NUP214: variants seen among roughly 807,000 people sequenced by gnomAD.
The protein encoded by NUP214 is nuclear pore complex protein Nup214.
NUP214 carries 79 observed loss-of-function variants against 196.2 expected under a neutral mutation model. The ratio of observed to expected loss-of-function variants is 0.40; its 90% CI spans 0.34 to 0.49. The LOEUF (loss-of-function observed/expected upper bound fraction) is 0.49, where lower values mean the gene tolerates loss of function less well. Ranked by LOEUF, NUP214 falls within the 20% of genes least tolerant of loss-of-function variation. The pLI is 0.58. For missense variants in NUP214, 2,468 were observed against 2,539.0 expected (o/e 0.97, Z 0.60); for synonymous variants, 1,020 against 990.5 (o/e 1.03, Z -0.56).
intron 32 of NUP214, among the ~76,000 whole-genome samples, chr9:131,225,184 A>C (rs1366763817): frequency 6.6e-6 from 1 of 152,278 alleles, no homozygotes; most frequent in Middle Eastern, 3.4e-3. Context: ...AGGCCAAGGA[A>C]GACAGATCAC....
At chr9:131,227,935 T>A (rs1005221339) in intron 32 of NUP214, among the ~76,000 whole-genome samples, 2 of 137,194 alleles carry the variant, frequency 1.5e-5, no homozygotes, top group Non-Finnish European at 3.1e-5. Context: ...GTGGTTTGGT[T>A]TGAGGGCTTT....
intron 27 of NUP214, among the ~76,000 whole-genome samples, chr9:131,193,197 G>A (rs901668451): frequency 6.6e-5 from 10 of 152,006 alleles, no homozygotes; most frequent in Non-Finnish European, 1.0e-4. Context: ...CCTGTTCTCT[G>A]TGCCCTGAGC....
Position 131,196,034 on chromosome 9 carries a change from CCCCCCG to C in NUP214, c.3721+742_3721+747del, listed in dbSNP as rs1027014245. Among the ~76,000 whole-genome samples, 28 of 36,076 alleles carry C rather than the reference CCCCCCG, an allele frequency of 7.8e-4. 13 individuals carry two copies. The highest frequency in any genetic ancestry group is 1.9e-3 in the Non-Finnish European group (15 of 7,938). 23.7% of individuals were successfully genotyped at this position (36,076 alleles called of 152,430 possible). ...AGTGAAACTCTGTGTGTCCCCCCCC[CCCCCCG>C]CGCCAAAAAATCCATCAATAGCATG... On this transcript the variant is annotated intron_variant, in intron 28 of 35. Coordinates refer to ENST00000359428, the MANE Select transcript of NUP214 (RefSeq NM_005085.4).
intron 24 of NUP214, among the ~76,000 whole-genome samples, chr9:131,186,503 C>A (rs1013725170): frequency 6.6e-6 from 1 of 152,240 alleles, no homozygotes; most frequent in South Asian, 2.1e-4. Context: ...TGAAAAATAA[C>A]CAGGTCCTAC....
At chr9:131,215,176 C>T (rs895263258) in intron 30 of NUP214, 36 bp from the exon 31 acceptor site, 5 of 1,469,602 alleles carry the variant, frequency 3.4e-6, no homozygotes, top group Non-Finnish European at 3.6e-6. Context: ...GATGACCTCT[C>T]ATCCTATCTT....
intron 30 of NUP214, among the ~76,000 whole-genome samples, chr9:131,203,055 C>T (rs952377662): frequency 4.6e-5 from 7 of 151,910 alleles, no homozygotes; most frequent in African/African-American, 1.5e-4. Flanking sequence ...ACGCCATTCT[C>T]CTGCCTCAGC....
chr9:131,128,293 A>G (rs1389973151), intron 2 of NUP214, 39 bp from the exon 3 acceptor site: 15 of 1,591,198 alleles, frequency 9.4e-6, no homozygotes, highest in South Asian at 5.6e-5. Flanking sequence ...TATGCTTAGA[A>G]CATACCGTTT....
chr9:131,135,495 A>G (rs1319025549), intron 8 of NUP214, among the ~76,000 whole-genome samples: 2 of 152,222 alleles, frequency 1.3e-5, no homozygotes, highest in Non-Finnish European at 2.9e-5. Flanking sequence ...TCTTAAATAC[A>G]TACTAATTTC....
At chr9:131,201,235 A>G (rs1012042114) in intron 29 of NUP214, among the ~76,000 whole-genome samples, 12 of 151,592 alleles carry the variant, frequency 7.9e-5, no homozygotes, top group African/African-American at 2.7e-4. Context: ...TTGGGAGGCC[A>G]AGGTGGGTGG....
chr9:131,136,181 A>G (rs1292965400), intron 9 of NUP214, among the ~76,000 whole-genome samples, 175 bp downstream of exon 9: 1 of 152,222 alleles, frequency 6.6e-6, no homozygotes, highest in African/African-American at 2.4e-5. Flanking sequence ...CTGGGACTGT[A>G]GGCGCGGGCC....
At chr9:131,177,320 A>G (rs1350766251) in intron 23 of NUP214, among the ~76,000 whole-genome samples, 2 of 152,198 alleles carry the variant, frequency 1.3e-5, no homozygotes. Flanking sequence ...CTCTTTAAAT[A>G]TTACTTGGAC....
At chr9:131,167,317 C>T (rs965273301) in intron 21 of NUP214, 3 of 152,306 alleles carry the variant, frequency 2.0e-5, no homozygotes, top group South Asian at 4.1e-4. Context: ...GTTGTTGCCT[C>T]TAGCTGTTAT....
At chr9:131,152,223 C>T (rs1192422020) in intron 17 of NUP214, among the ~76,000 whole-genome samples, 1 of 152,174 alleles carries the variant, frequency 6.6e-6, no homozygotes. Flanking sequence ...ACGTGATCCT[C>T]CTGCCTCAGC....
At chr9:131,189,259 G>C in intron 26 of NUP214, 128 bp downstream of exon 26, 1 of 751,542 alleles carries the variant, frequency 1.3e-6, no homozygotes. Context: ...GGAGCATTCA[G>C]GGTAGTATGA....
chr9:131,197,224 C>A lies in NUP214; in HGVS notation c.3730C>A (p.Pro1244Thr). ...SNFTAAQGAT[P>T]STKESSQPDA... ...TTTCTTTTTCTTGCTAGGGGCAACA[C>A]CCTCCACTAAAGAGTCAAGCCAGCC... Residue 1244 changes from proline (P) to threonine (T), a missense_variant, in exon 29 of 36, where the codon CCC becomes ACC. Pro to Thr is a conservative substitution (Grantham distance 38). This residue lies in a region of NUP214 where 1,801 missense variants were observed against 1,779.4 expected (regional missense o/e 1.01). Coordinates refer to ENST00000359428, the MANE Select transcript of NUP214 (RefSeq NM_005085.4). 1 of 1,613,884 alleles carries A rather than the reference C, an allele frequency of 6.2e-7. No homozygotes were observed. Among genetic ancestry groups the A allele is most frequent in the Non-Finnish European group, 8.5e-7 (1 of 1,179,776 alleles).
intron 32 of NUP214, among the ~76,000 whole-genome samples, chr9:131,225,936 G>C (rs1834707703): frequency 6.6e-6 from 1 of 152,196 alleles, no homozygotes; most frequent in African/African-American, 2.4e-5. Context: ...ACTGAAGATG[G>C]CCTTGCTGCC....
At position 131,233,591 on chromosome 9, in the gene NUP214, C is replaced by A; in HGVS notation, c.*104C>A. On this transcript the variant is annotated 3_prime_UTR_variant, in exon 36 of 36. Transcript: ENST00000359428. ...GTTCAGACCGACGTTGCCATCAAAA[C>A]ACATACACCCAGAAAGAAACAACAG... 8.2e-7 allele frequency: 1 copy of A among 1,216,024 alleles called. No homozygotes were observed. Among genetic ancestry groups the A allele is most frequent in the Non-Finnish European group, 1.2e-6 (1 of 835,676 alleles). The allele number at this position is 1,216,024 out of a possible 1,614,324, so 75.3% of individuals were successfully genotyped here. A position where few individuals can be genotyped will look rare whatever the true frequency, so the allele number is the denominator to read the frequency against.
At chr9:131,129,576 T>G (rs949646964) in intron 4 of NUP214, 99 bp downstream of exon 4, 28 of 1,108,400 alleles carry the variant, frequency 2.5e-5, no homozygotes, top group South Asian at 3.0e-5. Context: ...TGTGTTTTGG[T>G]TTTTTTTTTC....
intron 24 of NUP214, among the ~76,000 whole-genome samples, chr9:131,186,060 A>G (rs1160405168): frequency 3.3e-5 from 5 of 152,174 alleles, no homozygotes; most frequent in African/African-American, 1.2e-4. Flanking sequence ...CCTCTTCTCT[A>G]AGCAAGTCTG....
Sources: allele counts gnomAD v4.1 joint callset (sites outside exome capture counted in the v4.1 genomes callset), GRCh38; gene constraint gnomAD v4.1.1; regional missense constraint gnomAD v4.1.1; transcripts MANE v1.5; gene names NCBI Gene and HGNC (gene_info 2026-07-23, HGNC 2026-07-21).